UBE3D: variants seen among roughly 807,000 people sequenced by gnomAD.
The protein encoded by UBE3D is E3 ubiquitin-protein ligase E3D.
UBE3D carries 48 observed loss-of-function variants against 49.6 expected under a neutral mutation model. That is an observed-to-expected ratio of 0.97 (90% CI 0.77 to 1.23). UBE3D has a LOEUF of 1.23. UBE3D is among the 50% of genes most tolerant of loss of function. The pLI is 0.00. For synonymous variants in UBE3D, 189 were observed against 174.2 expected, an observed-to-expected ratio of 1.08 and a Z score of -0.67; for missense variants, 452 against 468.4, an observed-to-expected ratio of 0.96 and a Z score of 0.32.
chr6:82,926,111 C>G (rs894675691), intron 9 of UBE3D, among the ~76,000 whole-genome samples: 6 of 152,144 alleles, frequency 3.9e-5, no homozygotes, highest in African/African-American at 1.4e-4. Flanking sequence ...TTGCTTTACT[C>G]AAGCCCCTTT....
intron 8 of UBE3D, among the ~76,000 whole-genome samples, chr6:83,003,431 G>T (rs1779765976): frequency 6.6e-6 from 1 of 151,944 alleles, no homozygotes; most frequent in African/African-American, 2.4e-5. Flanking sequence ...CTTATTTTCT[G>T]TCTCTTCTTT....
intron 9 of UBE3D, among the ~76,000 whole-genome samples, chr6:82,928,704 T>C (rs1284711693): frequency 6.6e-6 from 1 of 152,168 alleles, no homozygotes; most frequent in East Asian, 1.9e-4. Flanking sequence ...TCCAATTATT[T>C]CAATTATTTC....
intron 9 of UBE3D, among the ~76,000 whole-genome samples, chr6:82,929,249 A>C (rs150998892): frequency 6.6e-6 from 1 of 151,766 alleles, no homozygotes; most frequent in African/African-American, 2.4e-5. Flanking sequence ...CCCTAATCAC[A>C]TCTGATGGAG....
At chr6:82,959,459 C>G (rs1186132248) in intron 8 of UBE3D, among the ~76,000 whole-genome samples, 1 of 151,792 alleles carries the variant, frequency 6.6e-6, no homozygotes, top group Non-Finnish European at 1.5e-5. Flanking sequence ...CTCTGTAACC[C>G]AAGGACCCTA....
Position 82,977,176 on chromosome 6 carries a change from CA to C in UBE3D, c.1011-19727del, listed in dbSNP as rs577041632. On this transcript the variant is annotated intron_variant, in intron 8 of 9. Coordinates refer to ENST00000369747, the MANE Select transcript of UBE3D (RefSeq NM_198920.3). ...GAAGGTAAGACCCTTAAAAATAATC[CA>C]AAAATGCTCTCTGGCACAGAATTTT... Among the ~76,000 whole-genome samples the C allele has an allele frequency of 2.2e-3, 308 of 137,066 alleles. 1 individual carries two copies. Among genetic ancestry groups the C allele is most frequent in the Non-Finnish European group, 3.4e-3 (214 of 62,804 alleles). 89.9% of individuals were successfully genotyped at this position (137,066 alleles called of 152,430 possible).
chr6:82,922,069 A>G (rs868586890), intron 9 of UBE3D, among the ~76,000 whole-genome samples: 2 of 152,204 alleles, frequency 1.3e-5, no homozygotes, highest in Admixed American at 1.3e-4. Flanking sequence ...TGGACATAGT[A>G]GAAGAAAGAT....
intron 9 of UBE3D, among the ~76,000 whole-genome samples, chr6:82,950,055 C>T (rs1259541638): frequency 3.9e-5 from 6 of 151,952 alleles, no homozygotes; most frequent in Non-Finnish European, 7.4e-5. Flanking sequence ...GCAAAGGAAA[C>T]AATCAACAAA....
chr6:82,959,154 A>T (rs1776368962), intron 8 of UBE3D, among the ~76,000 whole-genome samples: 1 of 145,640 alleles, frequency 6.9e-6, no homozygotes, highest in Admixed American at 6.9e-5. Flanking sequence ...ATGTCCTCTA[A>T]TTTTTTTTTT....
Position 82,998,831 on chromosome 6 carries a change from A to G in UBE3D, c.1010+20142T>C, listed in dbSNP as rs1175265662. ...ACAAGAGTTACACAGTACTCTTTGC[A>G]TGGGGACAACCAAACTTTAACCCTG... On this transcript the variant is annotated intron_variant, in intron 8 of 9. Transcript: ENST00000369747. 2.0e-5 allele frequency among the ~76,000 whole-genome samples: 3 copies of G among 152,342 alleles called. No individual in the cohort carries two copies. The East Asian group carries it at 5.8e-4, about 29-fold the overall frequency.
chr6:83,019,247 T>C, intron 7 of UBE3D, 111 bp from the exon 8 acceptor site: 1 of 1,001,888 alleles, frequency 1.0e-6, no homozygotes, highest in East Asian at 2.9e-5. Flanking sequence ...AAAATAAATA[T>C]GAGAATCATG....
chr6:82,970,763 C>T (rs753410633), intron 8 of UBE3D, among the ~76,000 whole-genome samples: 13 of 151,976 alleles, frequency 8.6e-5, no homozygotes, highest in African/African-American at 2.4e-4. Flanking sequence ...CGCTTGAACC[C>T]GGGAGGCAGA....
intron 8 of UBE3D, among the ~76,000 whole-genome samples, chr6:83,001,856 A>G (rs1015323441): frequency 6.6e-6 from 1 of 152,324 alleles, no homozygotes; most frequent in African/African-American, 2.4e-5. Context: ...GCCATAACCC[A>G]GTGGATTCAA....
At chr6:83,063,411 C>CT (rs1392643428) in intron 1 of UBE3D, among the ~76,000 whole-genome samples, 8 of 73,944 alleles carry the variant, frequency 1.1e-4, no homozygotes, top group Non-Finnish European at 1.4e-4. Flanking sequence ...AAGACGCTGT[C>CT]TAAAAAAAAA....
chr6:82,973,532 G>A (rs752122257), intron 8 of UBE3D, among the ~76,000 whole-genome samples: 1 of 151,214 alleles, frequency 6.6e-6, no homozygotes, highest in African/African-American at 2.4e-5. Flanking sequence ...TGAAACTTCC[G>A]AAGGCCACTA....
chr6:83,054,248 G>A lies in UBE3D; in HGVS notation c.275-10C>T. On this transcript the variant is annotated splice_polypyrimidine_tract_variant and intron_variant, in intron 2 of 9. Transcript: ENST00000369747. Reference sequence around the variant, plus strand: ...AACATTGAAATCAGTTCTAAAGGAAGTCAATGAAATAGCTAATCTTAGAGA... The same window carrying A: ...AACATTGAAATCAGTTCTAAAGGAAATCAATGAAATAGCTAATCTTAGAGA... 1 of 1,604,712 alleles carries A rather than the reference G, an allele frequency of 6.2e-7. No homozygotes were observed. Among genetic ancestry groups the A allele is most frequent in the South Asian group, 1.1e-5 (1 of 90,892 alleles).
intron 8 of UBE3D, among the ~76,000 whole-genome samples, chr6:82,995,840 G>A (rs1779203780): frequency 6.6e-6 from 1 of 152,160 alleles, no homozygotes; most frequent in Non-Finnish European, 1.5e-5. Flanking sequence ...GCCAAGGCGG[G>A]TGGATAACTT....
intron 1 of UBE3D, among the ~76,000 whole-genome samples, chr6:83,059,506 A>G (rs1308383585): frequency 6.6e-6 from 1 of 152,210 alleles, no homozygotes; most frequent in African/African-American, 2.4e-5. Context: ...AGATAACACA[A>G]TGTCCATTTG....
At chr6:82,953,732 T>A (rs1180197264) in intron 9 of UBE3D, among the ~76,000 whole-genome samples, 5 of 152,208 alleles carry the variant, frequency 3.3e-5, no homozygotes, top group African/African-American at 7.2e-5. Context: ...CCCCCATTCA[T>A]TCAGTCAACA....
chr6:82,993,740 T>C (rs1355931678), intron 8 of UBE3D, among the ~76,000 whole-genome samples: 1 of 152,192 alleles, frequency 6.6e-6, no homozygotes, highest in Non-Finnish European at 1.5e-5. Context: ...TTCCTTAAAT[T>C]CTTATTTTCC....
Sources: allele counts gnomAD v4.1 joint callset (sites outside exome capture counted in the v4.1 genomes callset), GRCh38; gene constraint gnomAD v4.1.1; transcripts MANE v1.5; gene names NCBI Gene and HGNC (gene_info 2026-07-23, HGNC 2026-07-21).